Variants in NPAS4 observed in about 807,000 individuals in gnomAD.
NPAS4 encodes the protein neuronal PAS domain protein 4.
In NPAS4, 10 loss-of-function variants were observed where a neutral mutation model predicts 64.0. The observed-to-expected ratio is 0.16, with a 90% CI of 0.10 to 0.26. NPAS4 has a LOEUF of 0.26. Ranked by LOEUF, NPAS4 falls within the 10% of genes least tolerant of loss-of-function variation. The pLI is 1.00. For synonymous variants in NPAS4, 441 were observed against 411.7 expected (o/e 1.07, Z -0.86); for missense variants, 886 against 992.6 (o/e 0.89, Z 1.44).
chr11:66,421,404 C>G, intron 1 of NPAS4, 50 bp downstream of exon 1: 1 of 1,578,974 alleles, frequency 6.3e-7, no homozygotes, highest in Admixed American at 1.7e-5. Context: ...CGCCGGAGAC[C>G]CTGGAGCTGA....
chr11:66,419,263 A>G (rs1456509703), upstream of NPAS4, among the ~76,000 whole-genome samples: 1 of 152,134 alleles, frequency 6.6e-6, no homozygotes, highest in East Asian at 1.9e-4. Context: ...GACACTGACC[A>G]CAGGATGGCC....
intron 6 of NPAS4, 23 bp from the exon 7 acceptor site, chr11:66,423,812 G>C: frequency 6.2e-7 from 1 of 1,601,500 alleles, no homozygotes; most frequent in East Asian, 2.2e-5. Flanking sequence ...ACCCTTACCA[G>C]CTGCCTCTTC....
At chr11:66,419,934 C>A (rs960454107), upstream of NPAS4, among the ~76,000 whole-genome samples, 12 of 152,188 alleles carry the variant, frequency 7.9e-5, no homozygotes, top group Non-Finnish European at 1.6e-4. Context: ...CTCAGCTGCT[C>A]CCCCATCTTG....
At chr11:66,413,468 G>A in the NPAS4 span, among the ~76,000 whole-genome samples, 2 of 152,374 alleles carry the variant, frequency 1.3e-5, no homozygotes, top group East Asian at 1.9e-4. Context: ...CCTGGGTGCA[G>A]TTGGCTCCTC....
At chr11:66,415,797 C>T in the NPAS4 span, among the ~76,000 whole-genome samples, 1 of 152,188 alleles carries the variant, frequency 6.6e-6, no homozygotes, top group Non-Finnish European at 1.5e-5. Flanking sequence ...ATCTCTGAGC[C>T]TTTGTTTCAC....
chr11:66,412,556 A>C, the NPAS4 span, among the ~76,000 whole-genome samples: 3 of 152,228 alleles, frequency 2.0e-5, no homozygotes, highest in African/African-American at 7.2e-5. Context: ...TATTTTTCAT[A>C]AAGTTAAGAT....
rs370362797 is a variant in NPAS4 at position 66,422,565 on chromosome 11, C to T, written c.430+12C>T. The T allele has an allele frequency of 5.7e-5, 91 of 1,609,474 alleles. No individual in the cohort carries two copies. The highest frequency in any genetic ancestry group is 4.3e-4 in the Admixed American group (26 of 59,988). The stretch of plus-strand genomic sequence containing the variant: ...TGCCCTGGACACTGGTAAGGACTCC[C>T]TTCTCCCTTCCTCGGTCCAATTTCC... On this transcript the variant is annotated intron_variant, in intron 3 of 7. Transcript: ENST00000311034.
At chr11:66,422,634 C>T (rs779008827) in intron 3 of NPAS4, 40 bp from the exon 4 acceptor site, 1 of 1,610,408 alleles carries the variant, frequency 6.2e-7, no homozygotes, top group Admixed American at 1.7e-5. Flanking sequence ...TCTCTCTCAG[C>T]CACTCACCCT....
At chr11:66,425,471 T>C (rs532782655) in intron 7 of NPAS4, among the ~76,000 whole-genome samples, 73 of 151,898 alleles carry the variant, frequency 4.8e-4, no homozygotes, top group African/African-American at 1.8e-3. Context: ...TTGGCAGGGG[T>C]TGGGGCTGTG....
chr11:66,421,981 G>A (rs916888966), intron 1 of NPAS4, 139 bp from the exon 2 acceptor site: 3 of 708,132 alleles, frequency 4.2e-6, no homozygotes, highest in African/African-American at 3.5e-5. Context: ...AGAGCTGCGG[G>A]CAGCGGGTCA....
Position 66,421,082 on chromosome 11 carries a change from G to C in NPAS4, c.-98G>C. Reference sequence around the variant, plus strand: ...CCAGGAGAGCAGAGAGCGAGCCTGAGCGAGAGACGGGGAAGCACGGAGGAG... The same window carrying C: ...CCAGGAGAGCAGAGAGCGAGCCTGACCGAGAGACGGGGAAGCACGGAGGAG... On this transcript the variant is annotated 5_prime_UTR_variant, in exon 1 of 8. Coordinates refer to ENST00000311034, the MANE Select transcript of NPAS4 (RefSeq NM_178864.4). 9.3e-7 allele frequency: 1 copy of C among 1,074,050 alleles called. No homozygotes were observed. The highest frequency in any genetic ancestry group is 1.3e-6 in the Non-Finnish European group (1 of 743,428). 66.5% of individuals were successfully genotyped at this position (1,074,050 alleles called of 1,614,324 possible).
chr11:66,425,838 C>T, intron 7 of NPAS4, 123 bp from the exon 8 acceptor site: 1 of 743,342 alleles, frequency 1.3e-6, no homozygotes, highest in Non-Finnish European at 2.4e-6. Context: ...AGCCTCTGGC[C>T]ATCATTTCAT....
rs868834989 is a variant in NPAS4 at position 66,425,054 on chromosome 11, C to T, written c.2164C>T (p.Pro722Ser). ...CTTCATGGATCTCTCTACCCCAGATCCCAGTGAGGAATGGGGCTCAGGGGA... is the reference window on the plus strand; with the variant it reads ...CTTCATGGATCTCTCTACCCCAGATTCCAGTGAGGAATGGGGCTCAGGGGA... Reference protein sequence around the residue: ...DIFMDLSTPDPSEEWGSGDPE... With the variant: ...DIFMDLSTPDSSEEWGSGDPE... Residue 722 changes from proline to serine, a missense_variant, in exon 7 of 8, where the codon CCC (proline) becomes TCC (serine). Around this residue, in one of 3 missense-constraint regions of NPAS4, gnomAD observed 820 missense variants for 855.5 expected, o/e 0.96. Coordinates refer to ENST00000311034, the MANE Select transcript of NPAS4 (RefSeq NM_178864.4). 1 of 1,610,496 alleles carries T rather than the reference C, an allele frequency of 6.2e-7. No homozygotes were observed. The highest frequency in any genetic ancestry group is 8.5e-7 in the Non-Finnish European group (1 of 1,178,350).
At chr11:66,412,685 C>G in the NPAS4 span, among the ~76,000 whole-genome samples, 2 of 152,300 alleles carry the variant, frequency 1.3e-5, no homozygotes, top group East Asian at 3.9e-4. Context: ...GATAGGGGTG[C>G]CATCATTCTC....
chr11:66,419,931 G>T (rs969029768), upstream of NPAS4, among the ~76,000 whole-genome samples: 1 of 152,220 alleles, frequency 6.6e-6, no homozygotes, highest in African/African-American at 2.4e-5. Flanking sequence ...CTTCTCAGCT[G>T]CTCCCCCATC....
Position 66,424,789 on chromosome 11 carries a change from C to G in NPAS4, c.1899C>G (p.Asp633Glu), listed in dbSNP as rs771199456. The change falls in exon 7 of 8, where the codon GAC (aspartate) becomes GAG (glutamate). Residue 633 changes from aspartate to glutamate, a missense_variant. Coordinates refer to ENST00000311034, the MANE Select transcript of NPAS4 (RefSeq NM_178864.4). ...CTGAAAAGGAGCAGAATGAGATAGA[C>G]CGTCTCATCCAGCAGATTAGCCAAT... The part of the protein sequence containing the change: ...HYSEKEQNEI[D>E]RLIQQISQLA... 3 of 1,614,070 alleles carry G rather than the reference C, an allele frequency of 1.9e-6. No individual in the cohort carries two copies. Among genetic ancestry groups the G allele is most frequent in the Non-Finnish European group, 2.5e-6 (3 of 1,180,000 alleles).
chr11:66,423,690 T>G lies in NPAS4; in HGVS notation c.921T>G (p.Ile307Met). 6.2e-7 allele frequency: 1 copy of G among 1,614,114 alleles called. No homozygotes were observed. The highest frequency in any genetic ancestry group is 8.5e-7 in the Non-Finnish European group (1 of 1,179,998). Residue 307 changes from isoleucine to methionine, a missense_variant, in exon 6 of 8, where the codon ATT becomes ATG. This residue lies in a region of NPAS4 where 820 missense variants were observed against 855.5 expected (regional missense o/e 0.96). Transcript: ENST00000311034. ...ACTCAGAAGGTCCAGAGGGACCCAT[T>G]ACTGCCAATAACTACCCAATCAGGT... Reference protein sequence around the residue: ...LLYSEGPEGPITANNYPISDM... With the variant: ...LLYSEGPEGPMTANNYPISDM...
chr11:66,420,123 C>G (rs1215971861), upstream of NPAS4, among the ~76,000 whole-genome samples: 1 of 152,214 alleles, frequency 6.6e-6, no homozygotes, highest in African/African-American at 2.4e-5. Context: ...CGGGGGGAAG[C>G]GCTCGCTTGG....
rs1395060745 is a variant in NPAS4, at chr11:66,425,071, C to T, written c.2181C>T (p.Gly727=). The change falls in exon 7 of 8, where the codon GGC becomes GGT. Residue 727 remains glycine (G), a synonymous_variant. Coordinates refer to ENST00000311034, the MANE Select transcript of NPAS4 (RefSeq NM_178864.4). The part of the protein sequence containing the change: ...LSTPDPSEEW[G]SGDPEAEGPG... ...CCCCAGATCCCAGTGAGGAATGGGGCTCAGGGGATCCTGAGGCAGAGGGCC... is the reference window on the plus strand; with the variant it reads ...CCCCAGATCCCAGTGAGGAATGGGGTTCAGGGGATCCTGAGGCAGAGGGCC... 2 of 1,605,818 alleles carry T rather than the reference C, an allele frequency of 1.2e-6. No homozygotes were observed. The highest frequency in any genetic ancestry group is 1.7e-6 in the Non-Finnish European group (2 of 1,176,594).
Sources: allele counts gnomAD v4.1 joint callset (sites outside exome capture counted in the v4.1 genomes callset), GRCh38; gene constraint gnomAD v4.1.1; regional missense constraint gnomAD v4.1.1; transcripts MANE v1.5; gene names NCBI Gene and HGNC (gene_info 2026-07-23, HGNC 2026-07-21).